The following MBNL2 variants were observed in gnomAD, a reference collection of about 807,000 sequenced individuals.
The protein encoded by MBNL2 is muscleblind like splicing regulator 2.
In MBNL2, 17 loss-of-function variants were observed where a neutral mutation model predicts 41.9. The ratio of observed to expected loss-of-function variants is 0.41; its 90% CI spans 0.28 to 0.61. MBNL2 has a LOEUF of 0.61. Among genes scored for constraint, MBNL2 ranks in the 20% least tolerant of loss-of-function variants. MBNL2 has a pLI of 0.35. For missense variants in MBNL2, 336 were observed against 505.6 expected (o/e 0.66, Z 3.22); for synonymous variants, 195 against 182.9 (o/e 1.07, Z -0.53).
intron 2 of MBNL2, among the ~76,000 whole-genome samples, chr13:97,305,585 G>A (rs2058047641): frequency 6.8e-6 from 1 of 147,592 alleles, no homozygotes; most frequent in Admixed American, 6.9e-5. Flanking sequence ...GCAACATGGT[G>A]AAACTCCACC....
intron 2 of MBNL2, among the ~76,000 whole-genome samples, chr13:97,311,297 G>A (rs890471375): frequency 3.3e-5 from 5 of 152,184 alleles, no homozygotes; most frequent in African/African-American, 9.6e-5. Context: ...GTGCGTGATC[G>A]GCTCCATAAG....
chr13:97,369,022 G>A (rs1385861406), intron 8 of MBNL2, among the ~76,000 whole-genome samples: 1 of 152,092 alleles, frequency 6.6e-6, no homozygotes, highest in Non-Finnish European at 1.5e-5. Flanking sequence ...AAATCCTTTA[G>A]CAGCTCTTGA....
At chr13:97,179,953 C>T in the MBNL2 span, among the ~76,000 whole-genome samples, 45 of 152,238 alleles carry the variant, frequency 3.0e-4, no homozygotes, top group African/African-American at 9.9e-4. Flanking sequence ...AATAGAAAAC[C>T]GTTCAATTGC....
intron 2 of MBNL2, among the ~76,000 whole-genome samples, chr13:97,290,682 CAAAAAA>C (rs144219795): frequency 1.7e-5 from 2 of 114,920 alleles, no homozygotes. Flanking sequence ...GACTCCGTCT[CAAAAAA>C]AAAAAAAAAA....
intron 8 of MBNL2, among the ~76,000 whole-genome samples, chr13:97,382,891 G>A (rs1235284589): frequency 6.6e-6 from 1 of 151,804 alleles, no homozygotes; most frequent in Non-Finnish European, 1.5e-5. Flanking sequence ...CCAATCTAGG[G>A]TTTTGTTTTG....
the MBNL2 span, among the ~76,000 whole-genome samples, chr13:97,201,611 TC>T: frequency 6.6e-6 from 1 of 152,186 alleles, no homozygotes; most frequent in East Asian, 1.9e-4. Flanking sequence ...TTTTATCTAT[TC>T]ATTATAATTT....
chr13:97,363,601 T>C (rs2063605131), intron 7 of MBNL2, among the ~76,000 whole-genome samples: 1 of 152,028 alleles, frequency 6.6e-6, no homozygotes, highest in Non-Finnish European at 1.5e-5. Context: ...TTTCTGTGGA[T>C]TGGCATTCAC....
intron 8 of MBNL2, among the ~76,000 whole-genome samples, chr13:97,377,086 C>G (rs980987159): frequency 6.6e-6 from 1 of 152,182 alleles, no homozygotes; most frequent in African/African-American, 2.4e-5. Context: ...AAAGAACCCA[C>G]CACGTGCCAG....
chr13:97,318,801 G>C (rs1278025642), intron 2 of MBNL2, among the ~76,000 whole-genome samples: 1 of 152,200 alleles, frequency 6.6e-6, no homozygotes, highest in African/African-American at 2.4e-5. Flanking sequence ...ACTAAGTTGG[G>C]CTGAATTTGA....
At chr13:97,333,846 G>A (rs548986228) in intron 2 of MBNL2, among the ~76,000 whole-genome samples, 2 of 152,086 alleles carry the variant, frequency 1.3e-5, no homozygotes, top group African/African-American at 4.8e-5. Flanking sequence ...TCCATACTGT[G>A]TAGGGGAAGG....
the MBNL2 span, among the ~76,000 whole-genome samples, chr13:97,141,860 G>A: frequency 9.2e-5 from 14 of 152,310 alleles, 1 homozygote; most frequent in South Asian, 2.1e-4. Context: ...CAGAGGCTGC[G>A]CAGAGAATGG....
chr13:97,146,003 G>T, the MBNL2 span, among the ~76,000 whole-genome samples: 2 of 116,916 alleles, frequency 1.7e-5, no homozygotes, highest in Non-Finnish European at 1.8e-5. Context: ...TCTTTTCTTT[G>T]AAACGGAGTC....
At chr13:97,290,278 CA>C (rs2055558445) in intron 2 of MBNL2, among the ~76,000 whole-genome samples, 1 of 152,122 alleles carries the variant, frequency 6.6e-6, no homozygotes, top group Non-Finnish European at 1.5e-5. Context: ...GTATGACAGG[CA>C]GTGGGCACAC....
chr13:97,390,928 TACAA>T (rs2066353140), intron 8 of MBNL2, among the ~76,000 whole-genome samples: 1 of 152,178 alleles, frequency 6.6e-6, no homozygotes, highest in Non-Finnish European at 1.5e-5. Flanking sequence ...GACTTTTCAG[TACAA>T]ACAAATTCTC....
intron 2 of MBNL2, among the ~76,000 whole-genome samples, chr13:97,277,115 A>C (rs2052323490): frequency 6.6e-6 from 1 of 152,214 alleles, no homozygotes. Flanking sequence ...GCTGGTTTCC[A>C]ACAGACTGTT....
At chr13:97,245,452 C>G (rs1037587047) in intron 1 of MBNL2, among the ~76,000 whole-genome samples, 1 of 152,118 alleles carries the variant, frequency 6.6e-6, no homozygotes, top group Non-Finnish European at 1.5e-5. Flanking sequence ...AAAGTCATCC[C>G]CCGTCTTCTC....
At chr13:97,195,023 T>A in the MBNL2 span, among the ~76,000 whole-genome samples, 1 of 152,194 alleles carries the variant, frequency 6.6e-6, no homozygotes, top group Non-Finnish European at 1.5e-5. Flanking sequence ...TTCTTTTTTT[T>A]CTTTGCTTCT....
At chr13:97,222,809 C>A (rs1448866297) in intron 1 of MBNL2, among the ~76,000 whole-genome samples, 1 of 152,104 alleles carries the variant, frequency 6.6e-6, no homozygotes, top group African/African-American at 2.4e-5. Context: ...CATTTGAATT[C>A]TTTGGAGCAA....
chr13:97,287,918 G>GTTTTGTTTTGTTT (rs2054901165), intron 2 of MBNL2, among the ~76,000 whole-genome samples: 5 of 124,626 alleles, frequency 4.0e-5, no homozygotes, highest in African/African-American at 1.4e-4. Context: ...CTAATTTTCT[G>GTTTTGTTTTGTTT]TTTTTTTTTT....
Sources: gnomAD v4.1 joint callset for allele counts (sites outside exome capture counted in the v4.1 genomes callset) on GRCh38, gnomAD v4.1.1 for gene constraint, MANE v1.5 for transcripts, NCBI Gene and HGNC (gene_info 2026-07-23, HGNC 2026-07-21) for gene names.